USP50: variants seen among roughly 807,000 people sequenced by gnomAD.
USP50 encodes ubiquitin specific peptidase 50, also known as ubiquitin carboxyl-terminal hydrolase 50.
In USP50, 37 loss-of-function variants were observed where a neutral mutation model predicts 39.2. That is an observed-to-expected ratio of 0.94 (90% CI 0.73 to 1.24). USP50 has a LOEUF of 1.24. Ranked by LOEUF, USP50 falls within the 50% of genes most tolerant of loss-of-function variation. The probability of loss-of-function intolerance (pLI) is 0.00; values close to 1 mark genes in which losing one functional copy is unlikely to be tolerated. For missense variants in USP50, 374 were observed against 398.2 expected, an observed-to-expected ratio of 0.94 and a Z score of 0.52; for synonymous variants, 139 against 144.5, an observed-to-expected ratio of 0.96 and a Z score of 0.27.
intron 5 of USP50, among the ~76,000 whole-genome samples, chr15:50,538,273 C>CAAAAAAAAAAAAAA (rs766139797): frequency 2.3e-4 from 4 of 17,302 alleles, no homozygotes; most frequent in African/African-American, 4.9e-4. Context: ...GAGACTGTCT[C>CAAAAAAAAAAAAAA]AAAAAAAAAA....
chr15:50,544,206 A>G lies in USP50; in HGVS notation c.248+381T>C, dbSNP rs191750833. 8.6e-5 allele frequency among the ~76,000 whole-genome samples: 13 copies of G among 151,572 alleles called. No homozygotes were observed. In the East Asian group the frequency reaches 2.5e-3, roughly 29 times the overall value. ...AAATACAAAAAATTACAAAAATACA[A>G]AAAAAATTAGCCAGGCATGGTGGCG... On this transcript the variant is annotated intron_variant, in intron 2 of 6. Transcript: ENST00000532404.
intron 4 of USP50, among the ~76,000 whole-genome samples, chr15:50,540,773 G>A (rs375208771): frequency 2.6e-5 from 4 of 151,966 alleles, no homozygotes; most frequent in African/African-American, 7.2e-5. Context: ...ACAGGTGCCC[G>A]CCACCATGTC....
intron 6 of USP50, among the ~76,000 whole-genome samples, chr15:50,526,878 C>A (rs535367951): frequency 1.3e-5 from 2 of 152,288 alleles, no homozygotes; most frequent in South Asian, 4.1e-4. Context: ...AGAGTGCCTA[C>A]CTCGTAGGCT....
chr15:50,521,652 A>G (rs1244082839), intron 6 of USP50, among the ~76,000 whole-genome samples: 2 of 152,174 alleles, frequency 1.3e-5, no homozygotes, highest in Non-Finnish European at 1.5e-5. Context: ...CTAGACTAAG[A>G]AAAAAAGACA....
At chr15:50,539,935 G>C (rs10519279) in intron 4 of USP50, among the ~76,000 whole-genome samples, 22,312 of 152,206 alleles carry the variant, frequency 0.15, 2,230 homozygotes, top group Admixed American at 0.28. Context: ...GAAGAGCGCA[G>C]ATTTTGTTTG....
chr15:50,521,696 C>T (rs2052852010), intron 6 of USP50, among the ~76,000 whole-genome samples: 1 of 152,204 alleles, frequency 6.6e-6, no homozygotes. Flanking sequence ...AGTACAATGG[C>T]TCATGCCTGT....
chr15:50,505,131 G>A (rs1040968380), intron 6 of USP50: 2 of 152,162 alleles, frequency 1.3e-5, no homozygotes, highest in African/African-American at 2.4e-5. Flanking sequence ...GGAGAGAATC[G>A]AGTAGGGGAG....
chr15:50,529,693 G>T, intron 6 of USP50, 104 bp downstream of exon 6: 1 of 1,301,472 alleles, frequency 7.7e-7, no homozygotes, highest in Non-Finnish European at 1.0e-6. Flanking sequence ...TTTTTTAAAA[G>T]TAGGGCATAA....
chr15:50,495,743 AC>A, downstream of USP50: 3 of 876,154 alleles, frequency 3.4e-6, no homozygotes, highest in South Asian at 5.4e-5. Context: ...TATGAGAACT[AC>A]AGGTGTTTCT....
chr15:50,541,310 A>T (rs755805425), intron 3 of USP50, 46 bp from the exon 4 acceptor site: 25 of 1,537,266 alleles, frequency 1.6e-5, no homozygotes, highest in South Asian at 2.3e-5. Flanking sequence ...TTGGTTATTT[A>T]AAAAAGACTG....
intron 6 of USP50, chr15:50,507,534 T>G (rs2052678761): frequency 6.6e-6 from 1 of 152,030 alleles, no homozygotes; most frequent in African/African-American, 2.4e-5. Context: ...CACTTTATAA[T>G]GAAAAAAGGT....
At chr15:50,532,356 T>C in intron 5 of USP50, 1 of 374,256 alleles carries the variant, frequency 2.7e-6, no homozygotes, top group South Asian at 2.0e-5. Flanking sequence ...TTAACTAACC[T>C]GGGAGAAGGA....
intron 6 of USP50, among the ~76,000 whole-genome samples, chr15:50,517,394 C>T (rs1411266851): frequency 1.3e-5 from 2 of 151,752 alleles, no homozygotes; most frequent in South Asian, 2.1e-4. Flanking sequence ...ATCACTTGAA[C>T]CTGGGAGGCA....
At chr15:50,542,383 G>T (rs530913569) in intron 3 of USP50, among the ~76,000 whole-genome samples, 27 of 151,664 alleles carry the variant, frequency 1.8e-4, no homozygotes, top group Non-Finnish European at 3.7e-4. Context: ...TTTCAGATTG[G>T]CTGTAGAAGA....
intron 6 of USP50, among the ~76,000 whole-genome samples, chr15:50,523,438 G>C (rs1015697039): frequency 6.6e-6 from 1 of 151,812 alleles, no homozygotes; most frequent in South Asian, 2.1e-4. Flanking sequence ...CTCCCAAAGC[G>C]CTGGGATTAC....
chr15:50,525,586 G>GTATATATATGTA, intron 6 of USP50, among the ~76,000 whole-genome samples: 1 of 126,130 alleles, frequency 7.9e-6, no homozygotes, highest in Middle Eastern at 4.4e-3. Context: ...ATGTATATAT[G>GTATATATATGTA]TATATGTATA....
At chr15:50,543,500 A>C in intron 3 of USP50, 98 bp downstream of exon 3, 1 of 1,227,262 alleles carries the variant, frequency 8.1e-7, no homozygotes, top group Admixed American at 2.1e-5. Flanking sequence ...CTTGGCACAA[A>C]GTAGACAATA....
chr15:50,525,110 G>A (rs1416999111), intron 6 of USP50, among the ~76,000 whole-genome samples: 2 of 152,124 alleles, frequency 1.3e-5, no homozygotes, highest in East Asian at 3.8e-4. Flanking sequence ...AGGAAATTCT[G>A]CCATTTGCAA....
chr15:50,526,182 T>A (rs541831455), intron 6 of USP50, among the ~76,000 whole-genome samples: 1 of 152,164 alleles, frequency 6.6e-6, no homozygotes, highest in East Asian at 1.9e-4. Flanking sequence ...CCTCAGCCCC[T>A]CGAGTAGCTG....
Sources: gnomAD v4.1 joint callset for allele counts (sites outside exome capture counted in the v4.1 genomes callset) on GRCh38, gnomAD v4.1.1 for gene constraint, MANE v1.5 for transcripts, NCBI Gene and HGNC (gene_info 2026-07-23, HGNC 2026-07-21) for gene names.